ACTR3C: variants seen among roughly 807,000 people sequenced by gnomAD.
ACTR3C encodes the protein actin related protein 3C, also known as actin-related protein 3C.
In ACTR3C, 18 loss-of-function variants were observed where a neutral mutation model predicts 26.3. That is an observed-to-expected ratio of 0.68 (90% CI 0.47 to 1.01). The LOEUF is 1.01. Among genes scored for constraint, ACTR3C ranks in the 50% least tolerant of loss-of-function variants. ACTR3C has a pLI of 0.00. For synonymous variants in ACTR3C, 55 were observed against 94.5 expected, an observed-to-expected ratio of 0.58 and a Z score of 2.42; for missense variants, 184 against 250.7, an observed-to-expected ratio of 0.73 and a Z score of 1.80.
At chr7:150,165,704 G>A in the ACTR3C span, among the ~76,000 whole-genome samples, 2,532 of 152,072 alleles carry the variant, frequency 0.017, 60 homozygotes, top group African/African-American at 0.058. Context: ...TCTACTCTGA[G>A]GATTTCCCTC....
the ACTR3C span, among the ~76,000 whole-genome samples, chr7:149,907,475 CTCT>C: frequency 2.1e-3 from 168 of 80,064 alleles, 1 homozygote; most frequent in Middle Eastern, 0.012. Context: ...TGCCTCTCTT[CTCT>C]TCTCTCTCTC....
the ACTR3C span, among the ~76,000 whole-genome samples, chr7:150,136,679 T>G: frequency 6.6e-6 from 1 of 151,398 alleles, no homozygotes; most frequent in East Asian, 1.9e-4. Flanking sequence ...CATAAATAAA[T>G]AAATAAATAA....
At chr7:150,161,251 C>T in the ACTR3C span, among the ~76,000 whole-genome samples, 2 of 109,178 alleles carry the variant, frequency 1.8e-5, no homozygotes, top group African/African-American at 4.1e-5. Flanking sequence ...TTCTAGGGTA[C>T]ATGTGCACAA....
At chr7:150,028,414 C>T in the ACTR3C span, among the ~76,000 whole-genome samples, 1 of 152,286 alleles carries the variant, frequency 6.6e-6, no homozygotes, top group Non-Finnish European at 1.5e-5. Context: ...GATCAAACCT[C>T]AATGTAATTT....
At chr7:150,042,749 G>C in the ACTR3C span, among the ~76,000 whole-genome samples, 1 of 151,584 alleles carries the variant, frequency 6.6e-6, no homozygotes, top group African/African-American at 2.4e-5. Flanking sequence ...TAATAGGGGG[G>C]CCATCCTTTA....
At chr7:150,085,297 C>T in the ACTR3C span, among the ~76,000 whole-genome samples, 1 of 152,074 alleles carries the variant, frequency 6.6e-6, no homozygotes, top group Non-Finnish European at 1.5e-5. Context: ...GAAGCTCATC[C>T]AGGAATACAA....
the ACTR3C span, among the ~76,000 whole-genome samples, chr7:150,097,126 C>G: frequency 6.6e-6 from 1 of 151,934 alleles, no homozygotes; most frequent in Non-Finnish European, 1.5e-5. Context: ...CTTAAGCCCA[C>G]TAAGTCTTGG....
chr7:150,198,001 T>C, the ACTR3C span, among the ~76,000 whole-genome samples: 15,421 of 150,366 alleles, frequency 0.1, 1,509 homozygotes, highest in African/African-American at 0.21. Context: ...ATTGCAGGCA[T>C]GCGCCGCCAC....
chr7:150,244,635 C>A (rs1275583726), downstream of ACTR3C: 1 of 152,244 alleles, frequency 6.6e-6, no homozygotes, highest in African/African-American at 2.4e-5. Flanking sequence ...CACACCTCAG[C>A]CTGAATATAT....
At chr7:150,270,848 C>A (rs1834395528) in intron 6 of ACTR3C, among the ~76,000 whole-genome samples, 1 of 152,076 alleles carries the variant, frequency 6.6e-6, no homozygotes, top group Admixed American at 6.5e-5. Context: ...ATGCTCCCTG[C>A]CAGGTCGCAA....
the ACTR3C span, among the ~76,000 whole-genome samples, chr7:150,173,617 C>T: frequency 6.8e-6 from 1 of 146,532 alleles, no homozygotes; most frequent in East Asian, 2.0e-4. Flanking sequence ...ACATTTGGTT[C>T]CTCATTACTT....
chr7:149,954,414 A>T, the ACTR3C span, among the ~76,000 whole-genome samples: 7 of 152,182 alleles, frequency 4.6e-5, no homozygotes, highest in Non-Finnish European at 1.0e-4. Flanking sequence ...AAAAAGTTGT[A>T]TATTGCCTTC....
At chr7:149,978,289 G>A in the ACTR3C span, among the ~76,000 whole-genome samples, 1 of 151,950 alleles carries the variant, frequency 6.6e-6, no homozygotes, top group Non-Finnish European at 1.5e-5. Flanking sequence ...AGGGGTTCAT[G>A]GCCCCTCCTG....
chr7:150,323,377 G>C, intron 1 of ACTR3C, 92 bp downstream of exon 1: 1 of 294,498 alleles, frequency 3.4e-6, no homozygotes, highest in Non-Finnish European at 6.6e-6. Context: ...GCGGCGCTGG[G>C]AGAAGCACGC....
At chr7:150,268,240 T>C (rs1440654864) in intron 6 of ACTR3C, among the ~76,000 whole-genome samples, 1 of 148,524 alleles carries the variant, frequency 6.7e-6, no homozygotes, top group East Asian at 2.0e-4. Flanking sequence ...ATTTTTAACA[T>C]TGAATCCCCC....
At chr7:150,022,844 T>C in the ACTR3C span, among the ~76,000 whole-genome samples, 1 of 145,164 alleles carries the variant, frequency 6.9e-6, no homozygotes, top group Non-Finnish European at 1.5e-5. Flanking sequence ...ATGTGGGGTA[T>C]AGTCATCAGA....
the ACTR3C span, among the ~76,000 whole-genome samples, chr7:150,059,895 C>T: frequency 1.7e-4 from 26 of 152,262 alleles, no homozygotes; most frequent in African/African-American, 5.8e-4. Context: ...GCATTCAGAA[C>T]ACTAGTAATC....
the ACTR3C span, among the ~76,000 whole-genome samples, chr7:149,946,620 G>C: frequency 6.6e-6 from 1 of 152,122 alleles, no homozygotes; most frequent in Admixed American, 6.5e-5. Context: ...GGCAAGTGGG[G>C]GGCCTTGCCA....
At chr7:150,202,318 C>T in the ACTR3C span, among the ~76,000 whole-genome samples, 1 of 151,776 alleles carries the variant, frequency 6.6e-6, no homozygotes, top group African/African-American at 2.4e-5. Context: ...TCGGTTTTTG[C>T]TTGTTTTTTT....
Sources: gnomAD v4.1 joint callset for allele counts (sites outside exome capture counted in the v4.1 genomes callset) on GRCh38, gnomAD v4.1.1 for gene constraint, MANE v1.5 for transcripts, NCBI Gene and HGNC (gene_info 2026-07-23, HGNC 2026-07-21) for gene names.